Variants in DENND4C observed in about 807,000 individuals in gnomAD.
DENND4C encodes DENN domain-containing protein 4C.
DENND4C carries 108 observed loss-of-function variants against 203.0 expected under a neutral mutation model. The observed-to-expected ratio is 0.53, with a 90% CI of 0.46 to 0.62. The LOEUF is 0.62. DENND4C is among the 20% of genes least tolerant of loss of function. The pLI is 0.00. For missense variants in DENND4C, 2,481 were observed against 2,301.2 expected, an observed-to-expected ratio of 1.08 and a Z score of -1.60; for synonymous variants, 871 against 792.4, an observed-to-expected ratio of 1.10 and a Z score of -1.67.
At position 19,315,974 on chromosome 9, in the gene DENND4C, G is replaced by A. The variant is rs142010496; in HGVS notation, c.1488-443G>A. Among the ~76,000 whole-genome samples, 250 of 152,204 alleles carry A rather than the reference G, an allele frequency of 1.6e-3. 3 individuals are homozygous for A. Among genetic ancestry groups the A allele is most frequent in the Middle Eastern group, 6.8e-3 (2 of 292 alleles). On this transcript the variant is annotated intron_variant, in intron 10 of 32. Coordinates refer to ENST00000434457, the MANE Select transcript of DENND4C (RefSeq NM_001330640.2). ...ATCATAGATTATATTGAATAATGGC[G>A]TTATGATTATTTTTAACTGTGAGGG...
intron 20 of DENND4C, 36 bp downstream of exon 20, chr9:19,336,868 C>G (rs773018145): frequency 7.9e-6 from 12 of 1,526,924 alleles, no homozygotes; most frequent in Non-Finnish European, 9.7e-6. Context: ...CCTTCACTTA[C>G]TCTCATGTTA....
At chr9:19,256,905 C>A (rs904825548) in intron 1 of DENND4C, among the ~76,000 whole-genome samples, 4 of 151,706 alleles carry the variant, frequency 2.6e-5, no homozygotes, top group Non-Finnish European at 5.9e-5. Context: ...CCTGTTGCTA[C>A]TAAAAATACA....
intron 26 of DENND4C, among the ~76,000 whole-genome samples, 186 bp from the exon 27 acceptor site, chr9:19,356,786 T>TGA (rs1390196943): frequency 6.7e-5 from 8 of 118,840 alleles, no homozygotes; most frequent in African/African-American, 2.5e-4. Flanking sequence ...TGTGTGTGTG[T>TGA]GTGAGAGAGA....
intron 2 of DENND4C, among the ~76,000 whole-genome samples, chr9:19,286,449 G>T (rs1835232210): frequency 6.6e-6 from 1 of 152,178 alleles, no homozygotes; most frequent in African/African-American, 2.4e-5. Flanking sequence ...ACCTGAAGAT[G>T]TTTGTGGTGT....
Position 19,299,255 on chromosome 9 carries a change from A to G in DENND4C, c.1134A>G (p.Leu378=). ...VQLSVHDALI[L]SQPVSTPLPL... ...TGTCAGTCCATGATGCATTAATATT[A>G]TCACAGCCAGTTTCTACACCTTTAC... The change falls in exon 8 of 33, where the codon TTA becomes TTG. Residue 378 remains leucine, a synonymous_variant. Transcript: ENST00000434457. 2 of 1,584,490 alleles carry G rather than the reference A, an allele frequency of 1.3e-6. No homozygotes were observed. Among genetic ancestry groups the G allele is most frequent in the Non-Finnish European group, 1.7e-6 (2 of 1,168,996 alleles).
chr9:19,239,496 G>A (rs1163647975), intron 1 of DENND4C, among the ~76,000 whole-genome samples: 9 of 150,274 alleles, frequency 6.0e-5, no homozygotes, highest in African/African-American at 1.7e-4. Context: ...ATGGAGTCTC[G>A]CTGTGTCACC....
rs397764386 is a variant in DENND4C at position 19,234,552 on chromosome 9, T to TTTTTA, written c.-18+3719_-18+3720insTTTTA. On this transcript the variant is annotated intron_variant, in intron 1 of 32. Transcript: ENST00000434457. ...GCTGTTTTTTTTTTTTTTTTTTTTT[T>TTTTTA]AACACGGTCTCACTTTGTCACCTAG... 2.2e-4 allele frequency among the ~76,000 whole-genome samples: 32 copies of TTTTTA among 146,290 alleles called. 1 individual carries two copies. In the South Asian group the frequency reaches 6.4e-3, roughly 29 times the overall value.
intron 30 of DENND4C, among the ~76,000 whole-genome samples, chr9:19,364,075 T>C (rs918928765): frequency 6.6e-6 from 1 of 152,100 alleles, no homozygotes; most frequent in African/African-American, 2.4e-5. Context: ...CACAACACTT[T>C]GGGAGTCCAA....
chr9:19,327,357 T>C (rs982891822), intron 15 of DENND4C, among the ~76,000 whole-genome samples: 37 of 152,184 alleles, frequency 2.4e-4, no homozygotes, highest in African/African-American at 7.7e-4. Context: ...ACCTTTGAGA[T>C]TGAGAATAGG....
intron 12 of DENND4C, among the ~76,000 whole-genome samples, chr9:19,317,181 CTTTT>C (rs11331413): frequency 9.1e-4 from 115 of 126,948 alleles, no homozygotes; most frequent in African/African-American, 3.0e-3. Flanking sequence ...GATTTGTACA[CTTTT>C]TTTTTTTTTT....
At chr9:19,348,330 T>A (rs1044288382) in intron 23 of DENND4C, among the ~76,000 whole-genome samples, 1 of 152,186 alleles carries the variant, frequency 6.6e-6, no homozygotes, top group Admixed American at 6.5e-5. Flanking sequence ...TTAGAAGCGA[T>A]ATCTCAGGAG....
chr9:19,324,333 T>G (rs963186707), intron 12 of DENND4C, 29 bp from the exon 13 acceptor site: 2 of 1,546,688 alleles, frequency 1.3e-6, no homozygotes, highest in African/African-American at 2.8e-5. Flanking sequence ...GTTTAAAATT[T>G]GAATTTAATT....
chr9:19,283,355 T>C (rs1246081180), intron 2 of DENND4C, among the ~76,000 whole-genome samples: 1 of 152,062 alleles, frequency 6.6e-6, no homozygotes, highest in Non-Finnish European at 1.5e-5. Flanking sequence ...CTGGAATACC[T>C]CCTGAAGGAC....
Position 19,369,840 on chromosome 9 carries a change from C to G in DENND4C, c.5528C>G (p.Ser1843Cys). The G allele has an allele frequency of 1.3e-6, 2 of 1,570,330 alleles. No individual in the cohort carries two copies. The highest frequency in any genetic ancestry group is 1.7e-6 in the Non-Finnish European group (2 of 1,162,526). ...CTTACTGTGTTCTTATTGTTAGATT[C>G]TGAAAAGAAATCATCTCTCCTGTCA... ...PLYVSWRNFN[S>C]EKKSSLLSEE... is the part of the protein sequence containing the mutation. Residue 1843 changes from serine (S) to cysteine (C), a missense_variant, in exon 31 of 33, where the codon TCT becomes TGT. Coordinates refer to ENST00000434457, the MANE Select transcript of DENND4C (RefSeq NM_001330640.2).
Position 19,323,082 on chromosome 9 carries a change from A to G in DENND4C, c.1808-1280A>G, listed in dbSNP as rs1588918912. ...CACTTTGGGAGGCTGAGATGGGAGG[A>G]TCACTTGAGGCCAGGAATTCGAGAC... On this transcript the variant is annotated intron_variant, in intron 12 of 32. Transcript: ENST00000434457. Among the ~76,000 whole-genome samples the G allele has an allele frequency of 2.6e-5, 4 of 152,218 alleles. No individual in the cohort carries two copies. The South Asian group carries it at 8.3e-4, about 32-fold the overall frequency.
chr9:19,307,033 C>G (rs1467493154), intron 10 of DENND4C, among the ~76,000 whole-genome samples: 2 of 152,050 alleles, frequency 1.3e-5, no homozygotes, highest in African/African-American at 2.4e-5. Flanking sequence ...ATCCACCCAC[C>G]TTGGCCTCCC....
chr9:19,293,520 T>TAA (rs1836794098), intron 5 of DENND4C, among the ~76,000 whole-genome samples: 2 of 152,062 alleles, frequency 1.3e-5, no homozygotes, highest in African/African-American at 4.8e-5. Context: ...AGGGTTCCTG[T>TAA]GATATATATA....
At chr9:19,367,520 G>C (rs1827935941) in intron 30 of DENND4C, among the ~76,000 whole-genome samples, 1 of 152,246 alleles carries the variant, frequency 6.6e-6, no homozygotes, top group South Asian at 2.1e-4. Context: ...CAGATCACTT[G>C]AGGTCAGGAG....
intron 12 of DENND4C, among the ~76,000 whole-genome samples, chr9:19,321,229 T>C (rs1017999681): frequency 4.6e-5 from 7 of 152,244 alleles, no homozygotes; most frequent in African/African-American, 1.7e-4. Flanking sequence ...AATTAGGAAG[T>C]TGTCACATTG....
Sources: allele counts gnomAD v4.1 joint callset (sites outside exome capture counted in the v4.1 genomes callset), GRCh38; gene constraint gnomAD v4.1.1; transcripts MANE v1.5; gene names NCBI Gene and HGNC (gene_info 2026-07-23, HGNC 2026-07-21).